GCNT2: variants seen among roughly 807,000 people sequenced by gnomAD.
GCNT2 encodes the protein glucosaminyl (N-acetyl) transferase 2 (I blood group).
GCNT2 carries 34 observed loss-of-function variants against 34.2 expected under a neutral mutation model. The ratio of observed to expected loss-of-function variants is 1.00; its 90% confidence interval spans 0.76 to 1.32. The LOEUF (loss-of-function observed/expected upper bound fraction) is 1.32, where lower values mean the gene tolerates loss of function less well. GCNT2 is among the 40% of genes most tolerant of loss of function. The pLI is 0.00. For synonymous variants in GCNT2, 212 were observed against 188.0 expected, an observed-to-expected ratio of 1.13 and a Z score of -1.04; for missense variants, 584 against 489.4, an observed-to-expected ratio of 1.19 and a Z score of -1.82.
rs533122585 is a variant in GCNT2, at chr6:10,551,317, A to G, written c.925+21481A>G. ...TCAGGTGCAGATTACACCAGCTCAC[A>G]CAGAGATGGCAAGACCACCTCTGGA... On this transcript the variant is annotated intron_variant, in intron 3 of 4. Coordinates refer to ENST00000495262, the MANE Select transcript of GCNT2 (RefSeq NM_145649.5). Among the ~76,000 whole-genome samples, 4 of 152,236 alleles carry G rather than the reference A, an allele frequency of 2.6e-5. No individual in the cohort carries two copies. In the East Asian group the frequency reaches 7.7e-4, roughly 29 times the overall value.
At chr6:10,541,480 G>A (rs542565829) in intron 3 of GCNT2, among the ~76,000 whole-genome samples, 47 of 152,158 alleles carry the variant, frequency 3.1e-4, no homozygotes, top group Non-Finnish European at 6.2e-4. Flanking sequence ...ACATACGCGT[G>A]CATGTATCTT....
chr6:10,622,426 G>T (rs1766073387), intron 4 of GCNT2, among the ~76,000 whole-genome samples: 1 of 151,766 alleles, frequency 6.6e-6, no homozygotes, highest in African/African-American at 2.4e-5. Context: ...TTCCCACATG[G>T]TCTTCCCTCT....
At chr6:10,561,749 A>G (rs891794418) in intron 3 of GCNT2, among the ~76,000 whole-genome samples, 2 of 151,452 alleles carry the variant, frequency 1.3e-5, no homozygotes, top group African/African-American at 2.4e-5. Flanking sequence ...TTCTCATGCC[A>G]TGATATTTTT....
rs115219599 is a variant in GCNT2 at position 10,585,879 on chromosome 6, G to A, written c.926-35472G>A. 2,951 of 1,566,382 alleles carry A rather than the reference G, an allele frequency of 1.9e-3. 36 individuals are homozygous for A. The African/African-American group carries it at 0.023, about 12-fold the overall frequency. On this transcript the variant is annotated intron_variant, in intron 3 of 4. Coordinates refer to ENST00000495262, the MANE Select transcript of GCNT2 (RefSeq NM_145649.5). Reference sequence around the variant, plus strand: ...GATTCAGGAAAGCAAGCAGCCCTCCGGAGAAGCTGTCGAAATTCAAGACTG... The same window carrying A: ...GATTCAGGAAAGCAAGCAGCCCTCCAGAGAAGCTGTCGAAATTCAAGACTG...
At chr6:10,533,295 G>C (rs1761587026) in intron 3 of GCNT2, among the ~76,000 whole-genome samples, 2 of 151,914 alleles carry the variant, frequency 1.3e-5, no homozygotes, top group South Asian at 4.1e-4. Flanking sequence ...GACAGAGTGA[G>C]ACTCCATCTC....
chr6:10,536,910 C>A (rs181588582), intron 3 of GCNT2, among the ~76,000 whole-genome samples: 1 of 151,832 alleles, frequency 6.6e-6, no homozygotes, highest in Non-Finnish European at 1.5e-5. Flanking sequence ...GGACTACAGG[C>A]GCCCGCCACC....
chr6:10,532,783 G>T (rs895924045), intron 3 of GCNT2, among the ~76,000 whole-genome samples: 2 of 152,190 alleles, frequency 1.3e-5, no homozygotes, highest in Non-Finnish European at 2.9e-5. Flanking sequence ...AGGCAGGGCT[G>T]AATGTAGGAG....
chr6:10,587,017 C>A, intron 3 of GCNT2: 1 of 856,296 alleles, frequency 1.2e-6, no homozygotes, highest in Non-Finnish European at 1.9e-6. Flanking sequence ...AATTTAAATA[C>A]TTAGAAAACT....
rs183497941 is a variant in GCNT2 at position 10,543,577 on chromosome 6, T to A, written c.925+13741T>A. Among the ~76,000 whole-genome samples, 3 of 152,272 alleles carry A rather than the reference T, an allele frequency of 2.0e-5. 1 individual carries two copies. Among genetic ancestry groups the A allele is most frequent in the Admixed American group, 1.3e-4 (2 of 15,282 alleles). ...CAACATCTTGCATGCCCACCATCAGTGTATGAGGGTTCCAATTTTTTCATA... is the reference window on the plus strand; with the variant it reads ...CAACATCTTGCATGCCCACCATCAGAGTATGAGGGTTCCAATTTTTTCATA... On this transcript the variant is annotated intron_variant, in intron 3 of 4. Transcript: ENST00000495262.
At chr6:10,532,422 C>G (rs1761539763) in intron 3 of GCNT2, among the ~76,000 whole-genome samples, 2 of 152,208 alleles carry the variant, frequency 1.3e-5, no homozygotes, top group South Asian at 4.1e-4. Context: ...AGGACCCTGA[C>G]CAGCTCTGCC....
chr6:10,559,507 C>G (rs1483174265), intron 3 of GCNT2, among the ~76,000 whole-genome samples: 1 of 152,224 alleles, frequency 6.6e-6, no homozygotes, highest in Non-Finnish European at 1.5e-5. Flanking sequence ...GGTAGAAAGA[C>G]CCCTTTCATT....
intron 3 of GCNT2, among the ~76,000 whole-genome samples, chr6:10,585,482 T>C (rs928704797): frequency 2.0e-5 from 3 of 152,164 alleles, no homozygotes; most frequent in African/African-American, 7.2e-5. Context: ...TCCTAAGGAC[T>C]GCCAGCAGGT....
At chr6:10,539,713 T>G (rs1430895380) in intron 3 of GCNT2, among the ~76,000 whole-genome samples, 1 of 152,156 alleles carries the variant, frequency 6.6e-6, no homozygotes, top group African/African-American at 2.4e-5. Flanking sequence ...TTCTAAAAAT[T>G]CTATGTGCAA....
chr6:10,586,446 G>C (rs1436957032), intron 3 of GCNT2: 1 of 1,614,164 alleles, frequency 6.2e-7, no homozygotes, highest in Non-Finnish European at 8.5e-7. Context: ...TGCTTTCATT[G>C]CTTCAAAGAC....
At chr6:10,553,238 C>T (rs1006215249) in intron 3 of GCNT2, among the ~76,000 whole-genome samples, 2 of 152,288 alleles carry the variant, frequency 1.3e-5, no homozygotes, top group Admixed American at 6.5e-5. Flanking sequence ...AGCTGGCACG[C>T]CCTGCCTGGA....
chr6:10,537,725 AAC>A lies in GCNT2; in HGVS notation c.925+7891_925+7892del, dbSNP rs1387340232. On this transcript the variant is annotated intron_variant, in intron 3 of 4. Transcript: ENST00000495262. ...AAAAAAAAAAAAAAAAAAAAAAAAA[AAC>A]AAAACAAAGAAAACGAAAGAAAATG... Among the ~76,000 whole-genome samples, 449 of 126,394 alleles carry A rather than the reference AAC, an allele frequency of 3.6e-3. 25 individuals are homozygous for A. The highest frequency in any genetic ancestry group is 0.011 in the African/African-American group (356 of 32,372). The allele number at this position is 126,394 out of a possible 152,430, so 82.9% of individuals were successfully genotyped here. A position where few individuals can be genotyped will look rare whatever the true frequency, so the allele number is the denominator to read the frequency against.
chr6:10,559,989 C>A (rs994393008), intron 3 of GCNT2, among the ~76,000 whole-genome samples: 2 of 152,194 alleles, frequency 1.3e-5, no homozygotes, highest in African/African-American at 4.8e-5. Flanking sequence ...ATCCCACGCT[C>A]GAGTAACTCC....
At chr6:10,565,173 C>G (rs948343081) in intron 3 of GCNT2, among the ~76,000 whole-genome samples, 1 of 152,152 alleles carries the variant, frequency 6.6e-6, no homozygotes, top group African/African-American at 2.4e-5. Flanking sequence ...CATAGCCGAG[C>G]GAACGAGGAT....
At chr6:10,556,285 G>C in intron 3 of GCNT2, 1 of 1,511,712 alleles carries the variant, frequency 6.6e-7, no homozygotes, top group East Asian at 2.4e-5. Flanking sequence ...GGGATGAAAC[G>C]GAATCGATTC....
Sources: allele counts gnomAD v4.1 joint callset (sites outside exome capture counted in the v4.1 genomes callset), GRCh38; gene constraint gnomAD v4.1.1; transcripts MANE v1.5; gene names NCBI Gene and HGNC (gene_info 2026-07-23, HGNC 2026-07-21).